Variants in FIGN observed in about 807,000 individuals in gnomAD.
FIGN encodes fidgetin.
Under a neutral mutation model 51.3 loss-of-function variants are expected in FIGN, and 11 were observed. The ratio of observed to expected loss-of-function variants is 0.21; its 90% CI spans 0.13 to 0.35. The LOEUF (loss-of-function observed/expected upper bound fraction) is 0.35, where lower values mean the gene tolerates loss of function less well. FIGN is among the 10% of genes least tolerant of loss of function. The probability of loss-of-function intolerance (pLI) is 1.00; values close to 1 mark genes in which losing one functional copy is unlikely to be tolerated. For missense variants in FIGN, 857 were observed against 943.6 expected, an observed-to-expected ratio of 0.91 and a Z score of 1.20; for synonymous variants, 407 against 363.2, an observed-to-expected ratio of 1.12 and a Z score of -1.37.
intron 2 of FIGN, among the ~76,000 whole-genome samples, chr2:163,663,325 T>TTTTG (rs374753641): frequency 0.035 from 5,275 of 151,720 alleles, 263 homozygotes; most frequent in African/African-American, 0.11. Context: ...GTCAGGTTGT[T>TTTTG]TTTGTTTGTT....
At chr2:163,612,027 T>C (rs984145230) in intron 2 of FIGN, among the ~76,000 whole-genome samples, 2 of 152,244 alleles carry the variant, frequency 1.3e-5, no homozygotes, top group Non-Finnish European at 2.9e-5. Context: ...GAGTTTAAAA[T>C]ATAACTCTGT....
At chr2:163,697,100 C>CTTTTTTTT (rs1258378034) in intron 2 of FIGN, among the ~76,000 whole-genome samples, 15 of 108,432 alleles carry the variant, frequency 1.4e-4, no homozygotes, top group African/African-American at 3.3e-4. Context: ...CTTTTCTTTT[C>CTTTTTTTT]TTTCTTTTTT....
At chr2:163,662,167 G>A (rs1416259168) in intron 2 of FIGN, among the ~76,000 whole-genome samples, 1 of 152,194 alleles carries the variant, frequency 6.6e-6, no homozygotes, top group African/African-American at 2.4e-5. Context: ...GGCTGAGGTG[G>A]TCTCAGAAGG....
intron 2 of FIGN, among the ~76,000 whole-genome samples, chr2:163,626,953 G>A (rs28449991): frequency 0.043 from 6,503 of 152,136 alleles, 477 homozygotes; most frequent in African/African-American, 0.15. Flanking sequence ...CCTTGCCAAC[G>A]TCAGGAAATT....
intron 2 of FIGN, 92 bp downstream of exon 2, chr2:163,734,811 G>T: frequency 8.4e-7 from 1 of 1,189,732 alleles, no homozygotes; most frequent in Non-Finnish European, 1.2e-6. Flanking sequence ...ATGAGCAACT[G>T]CTTGCCAGGC....
Position 163,611,127 on chromosome 2 carries a change from G to C in FIGN, c.705C>G (p.Gly235=), listed in dbSNP as rs760638627. The part of the protein sequence containing the change: ...PPPPPPALVP[G]YNGTSNLSSY... ...TGGAGAGGTTAGAAGTCCCATTGTA[G>C]CCTGGGACCAAGGCTGGTGGCGGAG... The change falls in exon 3 of 3, where the codon GGC becomes GGG. Residue 235 remains glycine, a synonymous_variant. Transcript: ENST00000333129. 1 of 1,614,134 alleles carries C rather than the reference G, an allele frequency of 6.2e-7. No individual in the cohort carries two copies. The highest frequency in any genetic ancestry group is 8.5e-7 in the Non-Finnish European group (1 of 1,180,024).
intron 2 of FIGN, among the ~76,000 whole-genome samples, chr2:163,670,853 A>T (rs1683864039): frequency 6.6e-6 from 1 of 152,208 alleles, no homozygotes; most frequent in Non-Finnish European, 1.5e-5. Flanking sequence ...CAATACATAA[A>T]ACAAATTTGG....
At chr2:163,698,472 T>C (rs1405824499) in intron 2 of FIGN, among the ~76,000 whole-genome samples, 1 of 151,990 alleles carries the variant, frequency 6.6e-6, no homozygotes, top group Non-Finnish European at 1.5e-5. Context: ...GCCCTGAAGC[T>C]GAGACAATGC....
At chr2:163,621,743 C>T (rs1363185719) in intron 2 of FIGN, among the ~76,000 whole-genome samples, 1 of 152,112 alleles carries the variant, frequency 6.6e-6, no homozygotes, top group African/African-American at 2.4e-5. Flanking sequence ...GTGTGAACGA[C>T]GGTCCAGTCA....
At chr2:163,617,198 A>T (rs1479066261) in intron 2 of FIGN, 2 of 985,116 alleles carry the variant, frequency 2.0e-6, no homozygotes, top group Non-Finnish European at 1.2e-6. Flanking sequence ...AGTAACAGAA[A>T]GGGAAAAAAG....
At chr2:163,644,229 G>C (rs1447405868) in intron 2 of FIGN, among the ~76,000 whole-genome samples, 1 of 152,064 alleles carries the variant, frequency 6.6e-6, no homozygotes, top group Non-Finnish European at 1.5e-5. Flanking sequence ...ACTTAAAGCT[G>C]AATTTTAAAA....
At chr2:163,725,717 C>A (rs1684828729) in intron 2 of FIGN, among the ~76,000 whole-genome samples, 1 of 151,498 alleles carries the variant, frequency 6.6e-6, no homozygotes, top group Non-Finnish European at 1.5e-5. Flanking sequence ...TAAAACAAGA[C>A]AAAAATTAAA....
Position 163,617,759 on chromosome 2 carries a change from A to C in FIGN, c.26-5953T>G, listed in dbSNP as rs569765731. ...ATTCTAATCTTGGTTAAGTTGCTTA[A>C]GCACATCATACTCACTCAGCTGTGA... On this transcript the variant is annotated intron_variant, in intron 2 of 2. Transcript: ENST00000333129. Among the ~76,000 whole-genome samples the C allele has an allele frequency of 1.1e-3, 162 of 152,252 alleles. 1 individual carries two copies. The highest frequency in any genetic ancestry group is 3.8e-3 in the African/African-American group (159 of 41,564).
At chr2:163,620,958 C>A (rs1020022990) in intron 2 of FIGN, among the ~76,000 whole-genome samples, 1 of 151,586 alleles carries the variant, frequency 6.6e-6, no homozygotes, top group African/African-American at 2.4e-5. Flanking sequence ...GCCCAACACA[C>A]CAAGCTGAAA....
At chr2:163,634,806 A>C (rs987783045) in intron 2 of FIGN, among the ~76,000 whole-genome samples, 2 of 152,216 alleles carry the variant, frequency 1.3e-5, no homozygotes, top group Non-Finnish European at 2.9e-5. Flanking sequence ...GCTAGGTAAG[A>C]ATTCCTCAGC....
chr2:163,677,576 C>CT (rs1683991980), intron 2 of FIGN, among the ~76,000 whole-genome samples: 1 of 152,160 alleles, frequency 6.6e-6, no homozygotes, highest in Non-Finnish European at 1.5e-5. Context: ...AGAAGCTAAT[C>CT]TTTTTTAAAA....
At chr2:163,623,454 G>A (rs997917632) in intron 2 of FIGN, among the ~76,000 whole-genome samples, 1 of 151,994 alleles carries the variant, frequency 6.6e-6, no homozygotes, top group South Asian at 2.1e-4. Flanking sequence ...ACCCATTTTT[G>A]GGAAGGTCTA....
chr2:163,605,935 A>G lies in FIGN; in HGVS notation c.*3617T>C, dbSNP rs1170568653. On this transcript the variant is annotated 3_prime_UTR_variant, in exon 3 of 3. Transcript: ENST00000333129. ...TTGGATGTGTTCTTTTGAAAACTGC[A>G]TAGCCAAGTACTATGCAACCCATGT... 1.3e-5 allele frequency: 2 copies of G among 151,398 alleles called. No homozygotes were observed. Among genetic ancestry groups the G allele is most frequent in the Non-Finnish European group, 1.5e-5 (1 of 67,908 alleles). The allele number at this position is 151,398 out of a possible 1,614,324, so 9.4% of individuals were successfully genotyped here.
At chr2:163,664,334 T>G (rs1336049059) in intron 2 of FIGN, among the ~76,000 whole-genome samples, 1 of 152,230 alleles carries the variant, frequency 6.6e-6, no homozygotes, top group Non-Finnish European at 1.5e-5. Context: ...GATCCTCTTC[T>G]CCAGTTATAC....
Sources: allele counts gnomAD v4.1 joint callset (sites outside exome capture counted in the v4.1 genomes callset), GRCh38; gene constraint gnomAD v4.1.1; transcripts MANE v1.5; gene names NCBI Gene and HGNC (gene_info 2026-07-23, HGNC 2026-07-21).